RSPRY1: variants seen among roughly 807,000 people sequenced by gnomAD.
RSPRY1 encodes the protein RING finger and SPRY domain-containing protein 1.
In RSPRY1, 23 loss-of-function variants were observed where a neutral mutation model predicts 73.1. That is an observed-to-expected ratio of 0.31 (90% CI 0.23 to 0.45). The LOEUF (loss-of-function observed/expected upper bound fraction) is 0.45, where lower values mean the gene tolerates loss of function less well. Ranked by LOEUF, RSPRY1 falls within the 20% of genes least tolerant of loss-of-function variation. RSPRY1 has a pLI of 1.00. For synonymous variants in RSPRY1, 226 were observed against 251.4 expected (o/e 0.90, Z 0.95); for missense variants, 448 against 698.7 (o/e 0.64, Z 4.05).
intron 1 of RSPRY1, among the ~76,000 whole-genome samples, chr16:57,192,955 G>T (rs1433187125): frequency 6.6e-6 from 1 of 152,124 alleles, no homozygotes; most frequent in African/African-American, 2.4e-5. Flanking sequence ...GGCTCAAGCT[G>T]TCTGCCTGCC....
rs1363682664 is a variant in RSPRY1 at position 57,230,730 on chromosome 16, G to A, written c.1293G>A (p.Leu431=). 1 of 1,603,088 alleles carries A rather than the reference G, an allele frequency of 6.2e-7. No homozygotes were observed. Residue 431 remains leucine, a synonymous_variant, in exon 12 of 15, where the codon CTG becomes CTA. Coordinates refer to ENST00000394420, the MANE Select transcript of RSPRY1 (RefSeq NM_133368.3). The part of the protein sequence containing the change: ...CWKEGDTVGF[L]LDLNEKQMIF... Reference sequence around the variant, plus strand: ...CTCTAGGAGATACAGTAGGATTTCTGTTAGACTTGAATGAAAAGCAAATGA... The same window carrying A: ...CTCTAGGAGATACAGTAGGATTTCTATTAGACTTGAATGAAAAGCAAATGA...
At chr16:57,213,716 G>A (rs1159790597) in intron 5 of RSPRY1, among the ~76,000 whole-genome samples, 172 bp from the exon 6 acceptor site, 5 of 152,286 alleles carry the variant, frequency 3.3e-5, no homozygotes, top group African/African-American at 1.2e-4. Flanking sequence ...TAATTCTGTG[G>A]GCTCACTTGC....
intron 12 of RSPRY1, 95 bp downstream of exon 12, chr16:57,230,908 T>G: frequency 2.6e-6 from 2 of 770,424 alleles, no homozygotes; most frequent in East Asian, 5.3e-5. Context: ...TATATGCAAT[T>G]GTGATGAGAA....
intron 1 of RSPRY1, among the ~76,000 whole-genome samples, chr16:57,196,032 A>T (rs200647613): frequency 4.0e-3 from 196 of 49,046 alleles, no homozygotes; most frequent in Non-Finnish European, 6.6e-3. Flanking sequence ...AAAAAAAAAA[A>T]AAATATATAT....
Position 57,204,496 on chromosome 16 carries a change from T to G in RSPRY1, c.-155-8T>G, listed in dbSNP as rs938884084. 4 of 640,676 alleles carry G rather than the reference T, an allele frequency of 6.2e-6. No individual in the cohort carries two copies. Among genetic ancestry groups the G allele is most frequent in the Non-Finnish European group, 8.2e-6 (3 of 366,770 alleles). 39.7% of individuals were successfully genotyped at this position (640,676 alleles called of 1,614,324 possible). A position where few individuals can be genotyped will look rare whatever the true frequency, so the allele number is the denominator to read the frequency against. On this transcript the variant is annotated splice_polypyrimidine_tract_variant and splice_region_variant and intron_variant, in intron 1 of 14. Coordinates refer to ENST00000394420, the MANE Select transcript of RSPRY1 (RefSeq NM_133368.3). ...TTATTCATTTTCCTTTTTCTCATTT[T>G]CTTTTAGAACTGCCATTGGATGTCC...
At chr16:57,223,713 A>G (rs1376570610) in intron 10 of RSPRY1, among the ~76,000 whole-genome samples, 1 of 152,226 alleles carries the variant, frequency 6.6e-6, no homozygotes, top group African/African-American at 2.4e-5. Context: ...CAGAGGTTGC[A>G]CTGAGCCCAG....
chr16:57,199,794 C>G (rs1025000530), intron 1 of RSPRY1, among the ~76,000 whole-genome samples: 7 of 149,974 alleles, frequency 4.7e-5, no homozygotes, highest in African/African-American at 1.5e-4. Context: ...TTGTTTACCT[C>G]TTTTCACCTG....
At chr16:57,221,554 C>T (rs1196249182) in intron 10 of RSPRY1, 139 bp downstream of exon 10, 5 of 834,040 alleles carry the variant, frequency 6.0e-6, no homozygotes, top group Non-Finnish European at 9.1e-6. Flanking sequence ...GGTACCAGGT[C>T]CCTAACAATG....
intron 11 of RSPRY1, among the ~76,000 whole-genome samples, chr16:57,229,438 G>A (rs2075172105): frequency 6.6e-6 from 1 of 151,902 alleles, no homozygotes; most frequent in Non-Finnish European, 1.5e-5. Flanking sequence ...AACATAATGA[G>A]ACCCCCCATC....
intron 6 of RSPRY1, among the ~76,000 whole-genome samples, chr16:57,215,373 G>C (rs1260152882): frequency 6.6e-6 from 1 of 152,236 alleles, no homozygotes; most frequent in Admixed American, 6.5e-5. Flanking sequence ...CAGCAGCAGG[G>C]ATGGTGGTTA....
chr16:57,207,523 G>A (rs988277284), intron 2 of RSPRY1: 28 of 451,650 alleles, frequency 6.2e-5, no homozygotes, highest in African/African-American at 5.6e-4. Flanking sequence ...ATGTTAAGTA[G>A]TTCCTTAAGT....
At chr16:57,194,622 G>T (rs1381813500) in intron 1 of RSPRY1, among the ~76,000 whole-genome samples, 1 of 152,166 alleles carries the variant, frequency 6.6e-6, no homozygotes, top group Non-Finnish European at 1.5e-5. Context: ...GAATGATAAG[G>T]TGAAGATTAT....
At chr16:57,206,132 A>G (rs1280509547) in intron 2 of RSPRY1, among the ~76,000 whole-genome samples, 4 of 152,208 alleles carry the variant, frequency 2.6e-5, no homozygotes, top group Non-Finnish European at 5.9e-5. Flanking sequence ...GCCAGACACA[A>G]TGGCTCATAC....
chr16:57,223,049 C>T (rs958148), intron 10 of RSPRY1, among the ~76,000 whole-genome samples: 144,908 of 152,332 alleles, frequency 0.95, 68,938 homozygotes, highest in East Asian at 0.98. Flanking sequence ...AAAACAAACA[C>T]TCTTCCCTGA....
At chr16:57,204,053 C>G (rs1248387582) in intron 1 of RSPRY1, among the ~76,000 whole-genome samples, 1 of 151,994 alleles carries the variant, frequency 6.6e-6, no homozygotes, top group Non-Finnish European at 1.5e-5. Context: ...TTATTTAAAA[C>G]TTGTTAAATT....
chr16:57,217,848 C>G (rs773291940), intron 8 of RSPRY1, among the ~76,000 whole-genome samples: 1 of 152,156 alleles, frequency 6.6e-6, no homozygotes, highest in Non-Finnish European at 1.5e-5. Context: ...CACTGTTACC[C>G]CAATATTGTG....
intron 5 of RSPRY1, 100 bp from the exon 6 acceptor site, chr16:57,213,788 A>C (rs1223832598): frequency 2.3e-6 from 2 of 870,280 alleles, no homozygotes; most frequent in Non-Finnish European, 3.9e-6. Flanking sequence ...TAATAAGATA[A>C]TGTGCATGAA....
chr16:57,235,135 T>C lies in RSPRY1; in HGVS notation c.1541T>C (p.Leu514Pro), dbSNP rs746160159. 6.2e-7 allele frequency: 1 copy of C among 1,613,914 alleles called. No homozygotes were observed. Among genetic ancestry groups the C allele is most frequent in the African/African-American group, 1.3e-5 (1 of 74,944 alleles). ...EKIILPRHRR[L>P]ALLKQVSIRE... is the part of the protein sequence containing the mutation. ...CTTTTTCTACTCAGGCACAGGCGTC[T>C]TGCTCTGTTGAAGCAAGTCAGTATC... Residue 514 changes from leucine to proline, a missense_variant, in exon 14 of 15, where the codon CTT becomes CCT. Coordinates refer to ENST00000394420, the MANE Select transcript of RSPRY1 (RefSeq NM_133368.3).
chr16:57,200,853 G>A (rs1463450093), intron 1 of RSPRY1, among the ~76,000 whole-genome samples: 14 of 130,900 alleles, frequency 1.1e-4, no homozygotes, highest in African/African-American at 2.6e-4. Flanking sequence ...CTCACCTCCC[G>A]GACGGGGCGG....
Sources: allele counts gnomAD v4.1 joint callset (sites outside exome capture counted in the v4.1 genomes callset), GRCh38; gene constraint gnomAD v4.1.1; transcripts MANE v1.5; gene names NCBI Gene and HGNC (gene_info 2026-07-23, HGNC 2026-07-21).